MIPEP: variants seen among roughly 807,000 people sequenced by gnomAD.
The protein encoded by MIPEP is mitochondrial intermediate peptidase.
In MIPEP, 79 loss-of-function variants were observed where a neutral mutation model predicts 90.3. The ratio of observed to expected loss-of-function variants is 0.87; its 90% CI spans 0.73 to 1.05. MIPEP has a LOEUF of 1.05. Among genes scored for constraint, MIPEP ranks in the 50% least tolerant of loss-of-function variants. The pLI, the probability that MIPEP is intolerant of heterozygous loss-of-function variation, is 0.00. For missense variants in MIPEP, 940 were observed against 905.6 expected (o/e 1.04, Z -0.49); for synonymous variants, 334 against 315.8 (o/e 1.06, Z -0.61).
At chr13:23,784,990 C>A (rs1407556247) in intron 16 of MIPEP, among the ~76,000 whole-genome samples, 2 of 152,196 alleles carry the variant, frequency 1.3e-5, no homozygotes, top group African/African-American at 4.8e-5. Flanking sequence ...CAGGAAACAA[C>A]AGATGCTGGA....
chr13:23,837,461 C>T (rs75337010), intron 13 of MIPEP, 91 bp downstream of exon 13: 26,656 of 1,013,116 alleles, frequency 0.026, 461 homozygotes, highest in Non-Finnish European at 0.034. Flanking sequence ...AAAATGATCA[C>T]ATTTTCCAAA....
At chr13:23,869,777 A>G (rs2137516761) in intron 6 of MIPEP, among the ~76,000 whole-genome samples, 1 of 152,346 alleles carries the variant, frequency 6.6e-6, no homozygotes, top group African/African-American at 2.4e-5. Flanking sequence ...ATGTCAGTTA[A>G]TGGTGTTATT....
intron 16 of MIPEP, among the ~76,000 whole-genome samples, chr13:23,762,527 C>G (rs1952558040): frequency 6.6e-6 from 1 of 152,166 alleles, no homozygotes; most frequent in South Asian, 2.1e-4. Context: ...ATGGGGGCAG[C>G]ACCTCAGAGA....
intron 5 of MIPEP, among the ~76,000 whole-genome samples, chr13:23,872,713 A>G (rs9578652): frequency 0.25 from 38,426 of 152,040 alleles, 5,027 homozygotes; most frequent in East Asian, 0.45. Context: ...TCCCGGGGAA[A>G]GAGGAGCTAC....
chr13:23,762,896 C>A (rs1783522970), intron 16 of MIPEP, among the ~76,000 whole-genome samples: 1 of 152,196 alleles, frequency 6.6e-6, no homozygotes, highest in African/African-American at 2.4e-5. Context: ...TAGAGCTGTG[C>A]CCTAGGTGGG....
At chr13:23,823,706 T>C (rs1247521448) in intron 14 of MIPEP, among the ~76,000 whole-genome samples, 1 of 152,154 alleles carries the variant, frequency 6.6e-6, no homozygotes, top group Non-Finnish European at 1.5e-5. Flanking sequence ...ACAGGCCCTG[T>C]AGTCCTAGCT....
At chr13:23,781,165 A>T (rs1441070510) in intron 16 of MIPEP, among the ~76,000 whole-genome samples, 2 of 152,184 alleles carry the variant, frequency 1.3e-5, no homozygotes, top group Non-Finnish European at 2.9e-5. Flanking sequence ...GATTCACCAA[A>T]GTTGAAATGA....
intron 15 of MIPEP, 72 bp downstream of exon 15, chr13:23,809,778 C>A: frequency 1.1e-6 from 1 of 921,198 alleles, no homozygotes; most frequent in Non-Finnish European, 1.7e-6. Context: ...GTATCATTGG[C>A]AAGAATGTAA....
intron 14 of MIPEP, among the ~76,000 whole-genome samples, chr13:23,835,254 C>T (rs1868984109): frequency 6.6e-6 from 1 of 151,942 alleles, no homozygotes; most frequent in Admixed American, 6.6e-5. Flanking sequence ...CTCCCAAGCT[C>T]AGGTGATCCA....
rs549001940 is a variant in MIPEP at position 23,854,784 on chromosome 13, C to T, written c.1106+4076G>A. On this transcript the variant is annotated intron_variant, in intron 10 of 18. Coordinates refer to ENST00000382172, the MANE Select transcript of MIPEP (RefSeq NM_005932.4). ...GTGCATGCCTGTAATCCCTGCTACT[C>T]GGGAGGCTGAGGCAGGAGAATCACT... 2.4e-4 allele frequency among the ~76,000 whole-genome samples: 37 copies of T among 151,688 alleles called. No homozygotes were observed. The South Asian group carries it at 6.5e-3, about 27-fold the overall frequency.
intron 7 of MIPEP, among the ~76,000 whole-genome samples, chr13:23,865,765 G>C (rs1165117601): frequency 1.3e-5 from 2 of 151,440 alleles, no homozygotes; most frequent in Non-Finnish European, 2.9e-5. Context: ...TGCCTCCCAG[G>C]GTTCAATCGA....
intron 14 of MIPEP, among the ~76,000 whole-genome samples, chr13:23,831,322 A>G (rs1445729179): frequency 7.0e-6 from 1 of 143,622 alleles, no homozygotes; most frequent in Non-Finnish European, 1.5e-5. Flanking sequence ...GAGAGAAAGA[A>G]GAGGAAAACT....
chr13:23,799,005 T>TC (rs1318927064), intron 16 of MIPEP, among the ~76,000 whole-genome samples: 1 of 133,846 alleles, frequency 7.5e-6, no homozygotes, highest in Non-Finnish European at 1.6e-5. Context: ...TTTTGGTTTT[T>TC]TTTTTTTTTT....
At chr13:23,845,133 TTTTA>T (rs1869476216) in intron 10 of MIPEP, among the ~76,000 whole-genome samples, 1 of 152,178 alleles carries the variant, frequency 6.6e-6, no homozygotes, top group African/African-American at 2.4e-5. Context: ...TATCTCGCAA[TTTTA>T]TTTAACATAA....
At chr13:23,821,371 T>C (rs1953302805) in intron 14 of MIPEP, among the ~76,000 whole-genome samples, 1 of 152,208 alleles carries the variant, frequency 6.6e-6, no homozygotes, top group South Asian at 2.1e-4. Context: ...CTAGTTTCTT[T>C]CATAAAAATA....
chr13:23,870,356 AAAT>A lies in MIPEP; in HGVS notation c.604-164_604-162del, dbSNP rs202196876. On this transcript the variant is annotated intron_variant, in intron 5 of 18. Transcript: ENST00000382172. Reference sequence around the variant, plus strand: ...AATGAATATATTGTTACTATATTATAAATAATATATTAATTTTACTTTTAACAG... The same window carrying A: ...AATGAATATATTGTTACTATATTATAAATATATTAATTTTACTTTTAACAG... Among the ~76,000 whole-genome samples, 1,018 of 151,014 alleles carry A rather than the reference AAAT, an allele frequency of 6.7e-3. 10 individuals carry two copies. The highest frequency in any genetic ancestry group is 0.024 in the African/African-American group (963 of 40,660).
intron 16 of MIPEP, among the ~76,000 whole-genome samples, chr13:23,762,695 G>A (rs547469141): frequency 3.3e-5 from 5 of 152,316 alleles, no homozygotes; most frequent in African/African-American, 9.6e-5. Context: ...TGGGGCAGCC[G>A]CCTCCTGTGC....
At chr13:23,745,456 A>G (rs2088710945) in intron 18 of MIPEP, among the ~76,000 whole-genome samples, 1 of 152,230 alleles carries the variant, frequency 6.6e-6, no homozygotes. Flanking sequence ...AGAGTTGGCT[A>G]GCAAATGTCA....
chr13:23,874,274 T>C (rs1423928353), intron 5 of MIPEP, among the ~76,000 whole-genome samples: 1 of 152,190 alleles, frequency 6.6e-6, no homozygotes, highest in Non-Finnish European at 1.5e-5. Flanking sequence ...CAGGATGTTA[T>C]GTGCTAGAAA....
Sources: gnomAD v4.1 joint callset for allele counts (sites outside exome capture counted in the v4.1 genomes callset) on GRCh38, gnomAD v4.1.1 for gene constraint, MANE v1.5 for transcripts, NCBI Gene and HGNC (gene_info 2026-07-23, HGNC 2026-07-21) for gene names.